The following ARHGEF10 variants were observed in gnomAD, a reference collection of about 807,000 sequenced individuals.
ARHGEF10 encodes the protein Rho guanine nucleotide exchange factor 10.
In ARHGEF10, 140 loss-of-function variants were observed where a neutral mutation model predicts 147.4. That is an observed-to-expected ratio of 0.95 (90% CI 0.83 to 1.09). ARHGEF10 has a LOEUF of 1.09. Among genes scored for constraint, ARHGEF10 ranks in the 50% least tolerant of loss-of-function variants. The pLI, the probability that ARHGEF10 is intolerant of heterozygous loss-of-function variation, is 0.00. For missense variants in ARHGEF10, 2,222 were observed against 1,752.7 expected (o/e 1.27, Z -4.78); for synonymous variants, 902 against 695.8 (o/e 1.30, Z -4.67).
intron 18 of ARHGEF10, among the ~76,000 whole-genome samples, chr8:1,912,745 G>A (rs147427013): frequency 2.6e-5 from 4 of 152,064 alleles, no homozygotes; most frequent in African/African-American, 7.2e-5. Context: ...GAAAAATGTC[G>A]TGTCCCCTAT....
chr8:1,946,997 G>C (rs996955646), intron 27 of ARHGEF10, among the ~76,000 whole-genome samples: 5 of 152,252 alleles, frequency 3.3e-5, no homozygotes, highest in Non-Finnish European at 7.3e-5. Context: ...TAACATGCAA[G>C]TTTATATTTA....
chr8:1,912,130 G>T (rs1372246362), intron 18 of ARHGEF10, among the ~76,000 whole-genome samples: 1 of 152,126 alleles, frequency 6.6e-6, no homozygotes, highest in Non-Finnish European at 1.5e-5. Context: ...TGAGACCAGT[G>T]AGCAGCTGCA....
chr8:1,825,971 A>C, intron 1 of ARHGEF10: 2 of 701,802 alleles, frequency 2.8e-6, no homozygotes, highest in South Asian at 3.4e-5. Context: ...TTTTTATTCG[A>C]AAAGAGAGAT....
chr8:1,874,403 G>A (rs1210510939), intron 7 of ARHGEF10, among the ~76,000 whole-genome samples: 5 of 152,184 alleles, frequency 3.3e-5, no homozygotes, highest in Admixed American at 6.5e-5. Context: ...ACTGCTGTGC[G>A]GAATACAGAA....
chr8:1,932,300 C>T, intron 25 of ARHGEF10, among the ~76,000 whole-genome samples: 1 of 152,154 alleles, frequency 6.6e-6, no homozygotes, highest in Non-Finnish European at 1.5e-5. Flanking sequence ...GGTGTGTATG[C>T]ATGTATGCAC....
At chr8:1,952,654 C>G in intron 27 of ARHGEF10, 51 bp from the exon 28 acceptor site, 1 of 1,610,292 alleles carries the variant, frequency 6.2e-7, no homozygotes, top group Non-Finnish European at 8.5e-7. Context: ...ACCGCCCCAC[C>G]AACTCTGCTA....
intron 3 of ARHGEF10, among the ~76,000 whole-genome samples, chr8:1,859,388 C>G (rs1805896456): frequency 7.1e-6 from 1 of 141,772 alleles, no homozygotes; most frequent in Non-Finnish European, 1.6e-5. Context: ...GGCCATAGCA[C>G]CTGCCTCTCG....
At chr8:1,933,695 G>C in intron 25 of ARHGEF10, 105 bp from the exon 26 acceptor site, 1 of 1,400,366 alleles carries the variant, frequency 7.1e-7, no homozygotes, top group East Asian at 2.3e-5. Flanking sequence ...TAACATTACA[G>C]GTGATCCTTC....
In ARHGEF10 at chr8:1,905,585, A is replaced by C. The variant is rs1810821386; in HGVS notation, c.1836A>C (p.Gly612=). 5 of 1,614,210 alleles carry C rather than the reference A, an allele frequency of 3.1e-6. No individual in the cohort carries two copies. The highest frequency in any genetic ancestry group is 4.2e-6 in the Non-Finnish European group (5 of 1,180,036). ...TGAATGTCCAGCTTCTCAGCAGTGG[A>C]AGCCGATACCTCATTCGATCAGATG... The part of the protein sequence containing the change: ...ERYLNKLLSS[G]SRYLIRSDDM... The change falls in exon 17 of 29, where the codon GGA becomes GGC. Residue 612 remains glycine (G), a synonymous_variant. Coordinates refer to ENST00000349830, the MANE Select transcript of ARHGEF10 (RefSeq NM_014629.4).
chr8:1,932,033 C>T (rs1813188640), intron 25 of ARHGEF10, among the ~76,000 whole-genome samples: 2 of 152,194 alleles, frequency 1.3e-5, no homozygotes, highest in South Asian at 2.1e-4. Context: ...CCAAGCCACA[C>T]CTGACAGCCA....
chr8:1,923,817 A>T lies in ARHGEF10; in HGVS notation c.2431A>T (p.Thr811Ser). 1 of 1,614,076 alleles carries T rather than the reference A, an allele frequency of 6.2e-7. No individual in the cohort carries two copies. Among genetic ancestry groups the T allele is most frequent in the Non-Finnish European group, 8.5e-7 (1 of 1,180,018 alleles). Residue 811 changes from threonine to serine, a missense_variant, in exon 21 of 29, where the codon ACC becomes TCC. By Grantham distance (58) the Thr-to-Ser change is moderately conservative (BLOSUM62 1). Coordinates refer to ENST00000349830, the MANE Select transcript of ARHGEF10 (RefSeq NM_014629.4). ...TFFTAVFNTF[T>S]PAIKESWVNS... Reference sequence around the variant, plus strand: ...CTTTACAGCTGTGTTCAATACGTTCACCCCTGCCATCAAGGAGTCCTGGGT... The same window carrying T: ...CTTTACAGCTGTGTTCAATACGTTCTCCCCTGCCATCAAGGAGTCCTGGGT...
chr8:1,923,856 A>G lies in ARHGEF10; in HGVS notation c.2470A>G (p.Met824Val). Residue 824 changes from methionine to valine, a missense_variant, in exon 21 of 29, where the codon ATG becomes GTG. Physicochemically the swap from Met to Val is conservative, Grantham distance 21 (BLOSUM62 1). Transcript: ENST00000349830. ...GGAGTCCTGGGTCAACAGCTTACAGATGGCCAAGCTCGCCCTAGGTAAGGC... is the reference window on the plus strand; with the variant it reads ...GGAGTCCTGGGTCAACAGCTTACAGGTGGCCAAGCTCGCCCTAGGTAAGGC... Reference protein sequence around the residue: ...IKESWVNSLQMAKLALEEENH... With the variant: ...IKESWVNSLQVAKLALEEENH... 1 of 1,614,144 alleles carries G rather than the reference A, an allele frequency of 6.2e-7. No individual in the cohort carries two copies. Among genetic ancestry groups the G allele is most frequent in the Non-Finnish European group, 8.5e-7 (1 of 1,180,008 alleles).
At chr8:1,901,700 T>A (rs548659066) in intron 15 of ARHGEF10, among the ~76,000 whole-genome samples, 4 of 152,334 alleles carry the variant, frequency 2.6e-5, no homozygotes, top group African/African-American at 7.2e-5. Context: ...CTGGCTGCTG[T>A]CTCCATCGCA....
chr8:1,903,374 G>T lies in ARHGEF10; in HGVS notation c.1744G>T (p.Glu582Ter). 6.2e-7 allele frequency: 1 copy of T among 1,614,184 alleles called. No homozygotes were observed. Among genetic ancestry groups the T allele is most frequent in the African/African-American group, 1.3e-5 (1 of 75,060 alleles). Reference protein sequence around the residue: ...ELETLAEKLNERKRDADQRCE... With the variant: ...ELETLAEKLN ...CGAAACACTAGCAGAGAAGTTAAATGAAAGAAAGAGAGATGCTGATCAACG... is the reference window on the plus strand; with the variant it reads ...CGAAACACTAGCAGAGAAGTTAAATTAAAGAAAGAGAGATGCTGATCAACG... The change falls in exon 16 of 29, where the codon GAA becomes TAA. Residue 582 changes from glutamate to a stop codon, truncating the protein, a stop_gained. Transcript: ENST00000349830. LOFTEE classifies it high-confidence loss of function.
chr8:1,865,346 C>G (rs976951804), intron 5 of ARHGEF10, among the ~76,000 whole-genome samples: 2 of 151,918 alleles, frequency 1.3e-5, no homozygotes, highest in Non-Finnish European at 2.9e-5. Context: ...GGGCATCCCC[C>G]AGCACCCATG....
chr8:1,896,764 A>G (rs1194792493), intron 14 of ARHGEF10, among the ~76,000 whole-genome samples: 5 of 152,236 alleles, frequency 3.3e-5, no homozygotes, highest in Admixed American at 1.3e-4. Flanking sequence ...GGTATTAGGA[A>G]TCAAATAAAC....
At chr8:1,854,418 A>G (rs938498974) in intron 2 of ARHGEF10, among the ~76,000 whole-genome samples, 1 of 152,218 alleles carries the variant, frequency 6.6e-6, no homozygotes, top group Non-Finnish European at 1.5e-5. Context: ...GAGTTCTTGT[A>G]GAAAGGCTAT....
chr8:1,921,601 G>T (rs1239459161), intron 18 of ARHGEF10, among the ~76,000 whole-genome samples: 1 of 152,164 alleles, frequency 6.6e-6, no homozygotes, highest in Non-Finnish European at 1.5e-5. Context: ...GGGCATGGTG[G>T]CAGGTGACTG....
intron 26 of ARHGEF10, among the ~76,000 whole-genome samples, chr8:1,939,584 C>T (rs1291795436): frequency 6.6e-6 from 1 of 152,258 alleles, no homozygotes; most frequent in Non-Finnish European, 1.5e-5. Context: ...TGCGTCCCTG[C>T]AGGCACAGGG....
Sources: allele counts gnomAD v4.1 joint callset (sites outside exome capture counted in the v4.1 genomes callset), GRCh38; gene constraint gnomAD v4.1.1; transcripts MANE v1.5; gene names NCBI Gene and HGNC (gene_info 2026-07-23, HGNC 2026-07-21).